Variants in FER1L6 observed in about 807,000 individuals in gnomAD.
FER1L6 encodes fer-1-like protein 6.
A neutral mutation model predicts 219.2 loss-of-function variants in FER1L6; 177 were observed. The observed-to-expected ratio is 0.81, with a 90% CI of 0.71 to 0.91. The LOEUF (loss-of-function observed/expected upper bound fraction) is 0.91, where lower values mean the gene tolerates loss of function less well. FER1L6 is among the 40% of genes least tolerant of loss of function. FER1L6 has a pLI of 0.00. For missense variants in FER1L6, 2,153 were observed against 2,259.9 expected, an observed-to-expected ratio of 0.95 and a Z score of 0.96; for synonymous variants, 768 against 824.3, an observed-to-expected ratio of 0.93 and a Z score of 1.17.
intron 6 of FER1L6, among the ~76,000 whole-genome samples, chr8:123,973,074 A>G (rs1815894230): frequency 6.6e-6 from 1 of 152,212 alleles, no homozygotes. Context: ...GGAGAAAAGG[A>G]ACACTTTCAG....
At chr8:124,035,878 C>T (rs1009488136) in intron 19 of FER1L6, 2 of 155,076 alleles carry the variant, frequency 1.3e-5, no homozygotes, top group African/African-American at 4.8e-5. Context: ...CTAGTAGTAA[C>T]CCAGTGGAGA....
Position 123,852,419 on chromosome 8 carries a change from G to C in FER1L6, c.-8+234G>C. ...GCTGTTGGCAGATTGGGTACTCAGT[G>C]GTCGCTGTAGCCAGGTTGACCTTGT... On this transcript the variant is annotated intron_variant, in intron 1 of 40. Transcript: ENST00000522917. The surrounding 1 kb of genome is among the most constrained non-coding windows in gnomAD (Gnocchi z 4.9). Among the ~76,000 whole-genome samples the C allele has an allele frequency of 6.6e-6, 1 of 151,836 alleles. No individual in the cohort carries two copies. Among genetic ancestry groups the C allele is most frequent in the East Asian group, 1.9e-4 (1 of 5,172 alleles).
intron 1 of FER1L6, among the ~76,000 whole-genome samples, chr8:123,894,457 C>A (rs1812710614): frequency 6.6e-6 from 1 of 152,160 alleles, no homozygotes; most frequent in Non-Finnish European, 1.5e-5. Flanking sequence ...CTATACTGAA[C>A]CCCTGGTGTT....
At chr8:123,929,282 G>C (rs1813680445) in intron 1 of FER1L6, among the ~76,000 whole-genome samples, 1 of 152,180 alleles carries the variant, frequency 6.6e-6, no homozygotes, top group Non-Finnish European at 1.5e-5. Context: ...CTTTCGTTTG[G>C]TGCTCTGGAG....
intron 38 of FER1L6, 40 bp downstream of exon 38, chr8:124,101,378 G>A (rs1395478459): frequency 6.3e-7 from 1 of 1,582,968 alleles, no homozygotes; most frequent in Non-Finnish European, 8.6e-7. Context: ...TAATGTTAAG[G>A]GTTTTGTCTC....
At chr8:123,921,326 T>C (rs1395329109) in intron 1 of FER1L6, among the ~76,000 whole-genome samples, 1 of 152,148 alleles carries the variant, frequency 6.6e-6, no homozygotes, top group Non-Finnish European at 1.5e-5. Context: ...GATTCCAACT[T>C]CTTTATATCT....
At chr8:124,042,938 G>A (rs1389057326) in intron 20 of FER1L6, among the ~76,000 whole-genome samples, 3 of 152,198 alleles carry the variant, frequency 2.0e-5, no homozygotes, top group Non-Finnish European at 2.9e-5. Context: ...ACAGAGAAAG[G>A]CTTCTGGGAT....
At chr8:123,963,692 G>C (rs541999545) in intron 3 of FER1L6, among the ~76,000 whole-genome samples, 5 of 152,348 alleles carry the variant, frequency 3.3e-5, no homozygotes, top group East Asian at 1.9e-4. Flanking sequence ...AGCAGGAGCT[G>C]TCTCTTACCT....
At chr8:124,020,676 G>C (rs1586600088) in intron 16 of FER1L6, among the ~76,000 whole-genome samples, 1 of 152,284 alleles carries the variant, frequency 6.6e-6, no homozygotes, top group African/African-American at 2.4e-5. Context: ...TCTGGATGCA[G>C]CTGGGGGTCA....
chr8:123,975,414 C>CAA (rs1816027874), intron 8 of FER1L6, 108 bp downstream of exon 8: 1 of 1,093,236 alleles, frequency 9.1e-7, no homozygotes, highest in East Asian at 2.6e-5. Context: ...CATGCTTCTT[C>CAA]TCAGCTTGGT....
At chr8:124,068,736 T>C (rs4871461) in intron 28 of FER1L6, among the ~76,000 whole-genome samples, 124,021 of 151,984 alleles carry the variant, frequency 0.82, 50,824 homozygotes, top group Non-Finnish European at 0.86. Context: ...TAATGAGTTC[T>C]TACATGTACT....
At chr8:124,031,878 G>A (rs4373503) in intron 18 of FER1L6, among the ~76,000 whole-genome samples, 46,158 of 152,034 alleles carry the variant, frequency 0.3, 7,232 homozygotes, top group South Asian at 0.35. Flanking sequence ...GAAGGTGCTC[G>A]ATAATGTTGA....
rs1183023380 is a variant in FER1L6, at chr8:124,066,290, TG to T, written c.3556-137del. 9.4e-6 allele frequency: 8 copies of T among 850,420 alleles called. No homozygotes were observed. In the East Asian group the frequency reaches 2.0e-4, roughly 21 times the overall value. 52.7% of individuals were successfully genotyped at this position (850,420 alleles called of 1,614,324 possible). ...CATTTGTGGAAGTGATACAGAGAGC[TG>T]CTATCACAAAACCAGTGGATACCTC... is the stretch of plus-strand genomic sequence containing the variant. On this transcript the variant is annotated intron_variant, in intron 26 of 40. Coordinates refer to ENST00000522917, the MANE Select transcript of FER1L6 (RefSeq NM_001039112.2).
chr8:124,010,562 CA>C, intron 13 of FER1L6, 31 bp from the exon 14 acceptor site: 1 of 1,610,154 alleles, frequency 6.2e-7, no homozygotes, highest in South Asian at 1.1e-5. Context: ...CACTGATTAC[CA>C]GCTAACTTCC....
Position 124,091,466 on chromosome 8 carries a change from A to T in FER1L6, c.4435A>T (p.Ile1479Phe). The T allele has an allele frequency of 1.2e-6, 2 of 1,614,096 alleles. No individual in the cohort carries two copies. The highest frequency in any genetic ancestry group is 1.7e-6 in the Non-Finnish European group (2 of 1,179,930). Residue 1479 changes from isoleucine to phenylalanine, a missense_variant, in exon 34 of 41, where the codon ATC becomes TTC. By Grantham distance (21) the Ile-to-Phe change is conservative (BLOSUM62 0). Transcript: ENST00000522917. ...GAGAGACACGTCCAAACCCACCGAA[A>T]TCCTCACTAAGCTCTGCAAAGACAA... ...AWRDTSKPTE[I>F]LTKLCKDNKL...
chr8:123,938,363 T>C (rs1248773664), intron 1 of FER1L6, among the ~76,000 whole-genome samples: 3 of 152,192 alleles, frequency 2.0e-5, no homozygotes, highest in Non-Finnish European at 2.9e-5. Flanking sequence ...TACTCCCTTT[T>C]CATTCAGGTG....
At chr8:123,954,078 T>C (rs1814907192) in intron 1 of FER1L6, among the ~76,000 whole-genome samples, 1 of 152,180 alleles carries the variant, frequency 6.6e-6, no homozygotes, top group South Asian at 2.1e-4. Context: ...TTTGCTACAT[T>C]ACCTCATTTT....
intron 1 of FER1L6, among the ~76,000 whole-genome samples, chr8:123,941,629 T>A (rs1314786880): frequency 1.3e-5 from 2 of 152,214 alleles, no homozygotes; most frequent in African/African-American, 4.8e-5. Context: ...GTACTGTATC[T>A]GGATCACACA....
intron 1 of FER1L6, among the ~76,000 whole-genome samples, chr8:123,947,192 A>G (rs934783217): frequency 6.6e-6 from 1 of 151,948 alleles, no homozygotes; most frequent in African/African-American, 2.4e-5. Context: ...AGGCTGAGGC[A>G]GGAGAATCAC....
Sources: allele counts gnomAD v4.1 joint callset (sites outside exome capture counted in the v4.1 genomes callset), GRCh38; gene constraint gnomAD v4.1.1; non-coding constraint Gnocchi (gnomAD v3.1); transcripts MANE v1.5; gene names NCBI Gene and HGNC (gene_info 2026-07-23, HGNC 2026-07-21).